The following TRANK1 variants were observed in gnomAD, a reference collection of about 807,000 sequenced individuals.
The protein encoded by TRANK1 is tetratricopeptide repeat and ankyrin repeat containing 1.
A neutral mutation model predicts 266.0 loss-of-function variants in TRANK1; 198 were observed. The observed-to-expected ratio is 0.74, with a 90% CI of 0.66 to 0.84. The LOEUF is 0.84. Among genes scored for constraint, TRANK1 ranks in the 40% least tolerant of loss-of-function variants. The pLI, the probability that TRANK1 is intolerant of heterozygous loss-of-function variation, is 0.00. For synonymous variants in TRANK1, 1,396 were observed against 1,384.1 expected (o/e 1.01, Z -0.19); for missense variants, 3,326 against 3,634.6 (o/e 0.92, Z 2.18).
intron 21 of TRANK1, chr3:36,834,461 C>T (rs1212849110): frequency 3.6e-6 from 1 of 274,812 alleles, no homozygotes; most frequent in African/African-American, 2.2e-5. Context: ...CTCTGAAGGA[C>T]TCCCCTTTAT....
At chr3:36,881,156 A>G (rs536138264) in intron 8 of TRANK1, among the ~76,000 whole-genome samples, 8 of 152,236 alleles carry the variant, frequency 5.3e-5, no homozygotes, top group African/African-American at 1.9e-4. Context: ...TCATTCTTTT[A>G]AAGTGTATTA....
chr3:36,865,028 T>G (rs1470196819), intron 9 of TRANK1, among the ~76,000 whole-genome samples: 7 of 143,876 alleles, frequency 4.9e-5, no homozygotes, highest in East Asian at 2.0e-4. Flanking sequence ...TTTTTGGTTT[T>G]TTTTTTTTTT....
At chr3:36,858,925 G>C in intron 11 of TRANK1, 31 bp from the exon 12 acceptor site, 1 of 1,512,480 alleles carries the variant, frequency 6.6e-7, no homozygotes, top group Non-Finnish European at 8.8e-7. Flanking sequence ...AGCGCAATGT[G>C]AGCAGGCACA....
Position 36,857,907 on chromosome 3 carries a change from C to T in TRANK1, c.1815G>A (p.Lys605=). 6.2e-7 allele frequency: 1 copy of T among 1,609,644 alleles called. No homozygotes were observed. The highest frequency in any genetic ancestry group is 2.2e-5 in the East Asian group (1 of 44,892). ...GCAGGTCTAACAGCTTCTTCACGCG[C>T]TTTAGCATGCCCTTCTGGAAGAGGA... ...MHILFQKGML[K]RVKKLLDLLV... is the part of the protein sequence containing the mutation. The change falls in exon 13 of 24, where the codon AAG becomes AAA. Residue 605 remains lysine (K), a synonymous_variant. Transcript: ENST00000645898. The surrounding 1 kb of genome is among the most constrained non-coding windows in gnomAD (Gnocchi z 4.3).
chr3:36,857,390 C>G lies in TRANK1; in HGVS notation c.2332G>C (p.Ala778Pro). 1 of 1,611,782 alleles carries G rather than the reference C, an allele frequency of 6.2e-7. No homozygotes were observed. Among genetic ancestry groups the G allele is most frequent in the Non-Finnish European group, 8.5e-7 (1 of 1,178,734 alleles). Residue 778 changes from alanine to proline, a missense_variant, in exon 13 of 24, where the codon GCA (alanine) becomes CCA (proline). By Grantham distance (27) the Ala-to-Pro change is conservative. Coordinates refer to ENST00000645898, the MANE Select transcript of TRANK1 (RefSeq NM_001329998.2). This position sits in a 1 kb window ranked among gnomAD's most constrained non-coding sequence, Gnocchi z 4.3. ...ACCTCACTACAGTCAGGGGCCCCTGCACCCAGAGTCGGCTTGTCATCTTTC... is the reference window on the plus strand; with the variant it reads ...ACCTCACTACAGTCAGGGGCCCCTGGACCCAGAGTCGGCTTGTCATCTTTC... The part of the protein sequence containing the change: ...GKKDDKPTLG[A>P]GAPDCSEVGE...
In TRANK1 at chr3:36,935,055, G is replaced by A. The variant is rs114194731; in HGVS notation, c.23+9732C>T. On this transcript the variant is annotated intron_variant, in intron 1 of 23. Transcript: ENST00000645898. ...CATCAGATCATGTGCTATGTGTCCA[G>A]ATTAAAAAAGACCCCAAGATCACCC... is the stretch of plus-strand genomic sequence containing the variant. 8.8e-3 allele frequency among the ~76,000 whole-genome samples: 1,346 copies of A among 152,230 alleles called. 25 individuals carry two copies. Among genetic ancestry groups the A allele is most frequent in the African/African-American group, 0.031 (1,286 of 41,534 alleles).
At chr3:36,914,974 A>G (rs946783989) in intron 1 of TRANK1, among the ~76,000 whole-genome samples, 3 of 142,044 alleles carry the variant, frequency 2.1e-5, no homozygotes, top group Admixed American at 1.4e-4. Context: ...TTTTTGAGAA[A>G]GAGTCTCATC....
intron 4 of TRANK1, among the ~76,000 whole-genome samples, chr3:36,897,591 T>C (rs1013809054): frequency 6.6e-6 from 1 of 152,230 alleles, no homozygotes. Flanking sequence ...TGGGAACAGT[T>C]TGATTGATAA....
rs370736097 is a variant in TRANK1, at chr3:36,846,100, C to A, written c.5191+148G>T. The A allele has an allele frequency of 3.2e-5, 29 of 893,038 alleles. No individual in the cohort carries two copies. The East Asian group carries it at 4.7e-4, about 14-fold the overall frequency. 55.3% of individuals were successfully genotyped at this position (893,038 alleles called of 1,614,324 possible). On this transcript the variant is annotated intron_variant, in intron 17 of 23. Coordinates refer to ENST00000645898, the MANE Select transcript of TRANK1 (RefSeq NM_001329998.2). ...AGCTACACTTTCCCATGCACCTTGG[C>A]AAATGTGTAACAACTTCCATTTCTC...
chr3:36,939,757 A>T (rs960639286), intron 1 of TRANK1, among the ~76,000 whole-genome samples: 3 of 152,244 alleles, frequency 2.0e-5, no homozygotes, highest in Non-Finnish European at 4.4e-5. Context: ...GTACAGGTAC[A>T]TCTGTAAAAT....
chr3:36,917,281 C>T (rs534120886), intron 1 of TRANK1, among the ~76,000 whole-genome samples: 3 of 151,768 alleles, frequency 2.0e-5, no homozygotes, highest in Middle Eastern at 3.4e-3. Flanking sequence ...ACAAAAGCCT[C>T]GAATAGATAA....
chr3:36,863,929 A>T (rs1004795696), intron 10 of TRANK1, among the ~76,000 whole-genome samples: 7 of 152,240 alleles, frequency 4.6e-5, no homozygotes, highest in Non-Finnish European at 7.3e-5. Context: ...TTTGTCATCT[A>T]AAGTTCTTTT....
intron 15 of TRANK1, among the ~76,000 whole-genome samples, chr3:36,848,976 CAT>C (rs1328896155): frequency 1.3e-5 from 2 of 152,174 alleles, no homozygotes; most frequent in African/African-American, 4.8e-5. Flanking sequence ...ATGAATCAAA[CAT>C]ATTTTATTTC....
chr3:36,938,059 A>C (rs2080446762), intron 1 of TRANK1, among the ~76,000 whole-genome samples: 1 of 152,126 alleles, frequency 6.6e-6, no homozygotes, highest in African/African-American at 2.4e-5. Flanking sequence ...AGAGGTGAAA[A>C]CACCGTTCAC....
intron 1 of TRANK1, among the ~76,000 whole-genome samples, chr3:36,935,649 G>A (rs9756686): frequency 0.012 from 1,867 of 152,084 alleles, 39 homozygotes; most frequent in African/African-American, 0.04. Flanking sequence ...GTGGCTTCAT[G>A]TTGGTCAGGC....
intron 8 of TRANK1, among the ~76,000 whole-genome samples, chr3:36,883,392 C>T (rs2079557679): frequency 6.7e-6 from 1 of 150,076 alleles, no homozygotes; most frequent in African/African-American, 2.5e-5. Context: ...CTGCAGTGAG[C>T]CAAGACTGCA....
chr3:36,936,303 A>G lies in TRANK1; in HGVS notation c.23+8484T>C, dbSNP rs577777670. On this transcript the variant is annotated intron_variant, in intron 1 of 23. Coordinates refer to ENST00000645898, the MANE Select transcript of TRANK1 (RefSeq NM_001329998.2). ...AATTCAATACCAGCCTGGGCAACAT[A>G]GCGAGATCACATCTCTACAAAAAAA... Among the ~76,000 whole-genome samples the G allele has an allele frequency of 2.6e-5, 4 of 152,090 alleles. No individual in the cohort carries two copies. In the South Asian group the frequency reaches 8.3e-4, roughly 32 times the overall value.
At chr3:36,918,552 A>AAGGAAGGT (rs2080165479) in intron 1 of TRANK1, among the ~76,000 whole-genome samples, 1 of 50,298 alleles carries the variant, frequency 2.0e-5, no homozygotes, top group Admixed American at 2.2e-4. Context: ...GGAAGGAAGG[A>AAGGAAGGT]AGGAAGGAAG....
chr3:36,850,509 T>G (rs190744706), intron 15 of TRANK1: 353 of 985,370 alleles, frequency 3.6e-4, no homozygotes, highest in Non-Finnish European at 4.1e-4. Context: ...TGGCTCATGC[T>G]TATAATCTCA....
Sources: allele counts gnomAD v4.1 joint callset (sites outside exome capture counted in the v4.1 genomes callset), GRCh38; gene constraint gnomAD v4.1.1; non-coding constraint Gnocchi (gnomAD v3.1); transcripts MANE v1.5; gene names NCBI Gene and HGNC (gene_info 2026-07-23, HGNC 2026-07-21).